Variants in ADCY8 observed in about 807,000 individuals in gnomAD.
ADCY8 encodes adenylate cyclase 8.
ADCY8 carries 51 observed loss-of-function variants against 119.7 expected under a neutral mutation model. The ratio of observed to expected loss-of-function variants is 0.43; its 90% CI spans 0.34 to 0.54. The LOEUF (loss-of-function observed/expected upper bound fraction) is 0.54, where lower values mean the gene tolerates loss of function less well. Ranked by LOEUF, ADCY8 falls within the 20% of genes least tolerant of loss-of-function variation. The pLI is 0.03. For missense variants in ADCY8, 1,383 were observed against 1,598.8 expected (o/e 0.87, Z 2.30); for synonymous variants, 665 against 651.0 (o/e 1.02, Z -0.33).
At chr8:130,943,497 G>GGGGGGGGCCCCCC in intron 3 of ADCY8, 35 bp from the exon 4 acceptor site, 1 of 491,352 alleles carries the variant, frequency 2.0e-6, no homozygotes, top group Non-Finnish European at 4.2e-6. Context: ...GTGGGGGGAG[G>GGGGGGGGCCCCCC]AAGTATATTA....
At chr8:130,808,488 G>A (rs1298043448) in intron 14 of ADCY8, among the ~76,000 whole-genome samples, 2 of 152,330 alleles carry the variant, frequency 1.3e-5, no homozygotes, top group East Asian at 1.9e-4. Context: ...AGATGAAGAT[G>A]CAGAGTATGG....
chr8:130,997,330 G>T (rs1822811299), intron 1 of ADCY8, among the ~76,000 whole-genome samples: 1 of 152,042 alleles, frequency 6.6e-6, no homozygotes, highest in South Asian at 2.1e-4. Context: ...TGTGTGTACT[G>T]AAATAGGAAG....
At chr8:130,788,993 G>A (rs958533702) in intron 15 of ADCY8, among the ~76,000 whole-genome samples, 3 of 152,084 alleles carry the variant, frequency 2.0e-5, no homozygotes, top group African/African-American at 7.2e-5. Flanking sequence ...GTAATAGAAA[G>A]CAGATCAATA....
chr8:130,783,673 C>T lies in ADCY8; in HGVS notation c.3268+18G>A. On this transcript the variant is annotated intron_variant, in intron 17 of 17. Transcript: ENST00000286355. ...GGTCAGCTGGCTCTATCAGGCCCCACCTGCAGCTGCTACTCACCAATCCGG... is the reference window on the plus strand; with the variant it reads ...GGTCAGCTGGCTCTATCAGGCCCCATCTGCAGCTGCTACTCACCAATCCGG... 6.3e-7 allele frequency: 1 copy of T among 1,590,988 alleles called. No homozygotes were observed. The highest frequency in any genetic ancestry group is 8.6e-7 in the Non-Finnish European group (1 of 1,161,848).
intron 1 of ADCY8, among the ~76,000 whole-genome samples, chr8:131,036,680 G>GC (rs1197030467): frequency 1.3e-5 from 2 of 152,174 alleles, no homozygotes; most frequent in Non-Finnish European, 2.9e-5. Flanking sequence ...AGAGAAAGTA[G>GC]CATTTGAGAG....
intron 5 of ADCY8, among the ~76,000 whole-genome samples, chr8:130,917,787 G>A (rs1233410652): frequency 6.6e-6 from 1 of 151,972 alleles, no homozygotes; most frequent in African/African-American, 2.4e-5. Flanking sequence ...GTGTGTGTGT[G>A]TGTGTTGGGG....
intron 4 of ADCY8, 192 bp downstream of exon 4, chr8:130,943,159 A>G (rs1473686585): frequency 2.1e-6 from 1 of 479,426 alleles, no homozygotes; most frequent in Non-Finnish European, 3.7e-6. Context: ...TTAATCTGAC[A>G]AACCTCCTGC....
At chr8:130,952,371 G>A (rs995202037) in intron 2 of ADCY8, among the ~76,000 whole-genome samples, 4 of 152,222 alleles carry the variant, frequency 2.6e-5, no homozygotes, top group Non-Finnish European at 5.9e-5. Flanking sequence ...ATGCATATCA[G>A]GGATTAAGAA....
chr8:130,780,962 C>T, intron 17 of ADCY8, 85 bp from the exon 18 acceptor site: 2 of 1,538,964 alleles, frequency 1.3e-6, no homozygotes, highest in Admixed American at 3.6e-5. Context: ...ACAGTGATCA[C>T]TATGTGTGGG....
chr8:130,825,987 T>C (rs1462953307), intron 12 of ADCY8, among the ~76,000 whole-genome samples: 1 of 152,204 alleles, frequency 6.6e-6, no homozygotes, highest in Non-Finnish European at 1.5e-5. Flanking sequence ...GTACTGGGCA[T>C]GGCAACAAAG....
At chr8:131,019,813 C>G (rs1271989093) in intron 1 of ADCY8, among the ~76,000 whole-genome samples, 1 of 122,348 alleles carries the variant, frequency 8.2e-6, no homozygotes, top group African/African-American at 3.4e-5. Flanking sequence ...CTCTCTCTCT[C>G]TCTCTCTCTC....
intron 15 of ADCY8, among the ~76,000 whole-genome samples, chr8:130,799,382 C>T (rs1282181464): frequency 6.6e-6 from 1 of 152,178 alleles, no homozygotes; most frequent in Admixed American, 6.5e-5. Context: ...CAAAACATCA[C>T]ATTTTGCACC....
At chr8:131,030,327 T>C (rs1403830679) in intron 1 of ADCY8, among the ~76,000 whole-genome samples, 1 of 152,198 alleles carries the variant, frequency 6.6e-6, no homozygotes, top group Non-Finnish European at 1.5e-5. Context: ...AGACAACTGA[T>C]GACTTGGCCC....
At chr8:130,864,920 C>T (rs1818062410) in intron 9 of ADCY8, among the ~76,000 whole-genome samples, 2 of 151,990 alleles carry the variant, frequency 1.3e-5, no homozygotes, top group African/African-American at 4.8e-5. Flanking sequence ...CTGTTGAAAA[C>T]TGTTCATATT....
At chr8:131,010,708 G>T (rs748031223) in intron 1 of ADCY8, among the ~76,000 whole-genome samples, 3 of 152,188 alleles carry the variant, frequency 2.0e-5, no homozygotes, top group Admixed American at 6.5e-5. Context: ...CTCAAGCTGT[G>T]GCCGCCAATA....
intron 5 of ADCY8, among the ~76,000 whole-genome samples, chr8:130,912,861 A>T (rs1234399637): frequency 6.6e-6 from 1 of 152,002 alleles, no homozygotes; most frequent in Non-Finnish European, 1.5e-5. Flanking sequence ...GGAGCCATTT[A>T]AAAAAAATTG....
intron 2 of ADCY8, among the ~76,000 whole-genome samples, chr8:130,970,362 G>T (rs998945092): frequency 1.1e-4 from 16 of 152,174 alleles, no homozygotes; most frequent in Admixed American, 8.5e-4. Flanking sequence ...AACCGTGCAT[G>T]TGAGGGTGTA....
chr8:130,872,112 A>G (rs558897101), intron 8 of ADCY8, among the ~76,000 whole-genome samples: 2 of 152,212 alleles, frequency 1.3e-5, no homozygotes, highest in Non-Finnish European at 2.9e-5. Flanking sequence ...GAGATCTTAG[A>G]TTAGGATTTG....
intron 5 of ADCY8, 68 bp from the exon 6 acceptor site, chr8:130,909,934 T>C: frequency 7.0e-7 from 1 of 1,432,750 alleles, no homozygotes; most frequent in Admixed American, 2.3e-5. Context: ...CTCTGCACTT[T>C]CTTTTCTTTT....
Sources: gnomAD v4.1 joint callset for allele counts (sites outside exome capture counted in the v4.1 genomes callset) on GRCh38, gnomAD v4.1.1 for gene constraint, MANE v1.5 for transcripts, NCBI Gene and HGNC (gene_info 2026-07-23, HGNC 2026-07-21) for gene names.